The following KLHL4 variants were observed in gnomAD, a reference collection of about 807,000 sequenced individuals.
The protein encoded by KLHL4 is kelch like family member 4.
Under a neutral mutation model 45.8 loss-of-function variants are expected in KLHL4, and 17 were observed. The observed-to-expected ratio is 0.37, with a 90% CI of 0.25 to 0.56. The LOEUF is 0.56. KLHL4 is among the 20% of genes least tolerant of loss of function. The pLI is 0.79. For missense variants in KLHL4, 544 were observed against 544.9 expected (o/e 1.00, Z 0.02); for synonymous variants, 224 against 189.9 (o/e 1.18, Z -1.47).
chrX:87,619,212 G>A (rs1740451254), intron 4 of KLHL4, among the ~76,000 whole-genome samples: 1 of 111,466 alleles, frequency 9.0e-6, no homozygotes, highest in African/African-American at 3.3e-5. Context: ...ACAATAGAAA[G>A]GCACACATTG....
chrX:87,623,179 T>C (rs919344471), intron 5 of KLHL4, among the ~76,000 whole-genome samples: 4 of 111,077 alleles, frequency 3.6e-5, no homozygotes, highest in African/African-American at 1.3e-4. Flanking sequence ...ATTTAGTGGA[T>C]CAATAATTTT....
intron 1 of KLHL4, among the ~76,000 whole-genome samples, chrX:87,555,420 G>T (rs188138366): frequency 6.3e-5 from 7 of 111,215 alleles, no homozygotes; most frequent in Admixed American, 3.8e-4. Context: ...TATTCAGAGA[G>T]TCAACTTCTT....
At chrX:87,570,242 G>A (rs934907798) in intron 1 of KLHL4, among the ~76,000 whole-genome samples, 4 of 111,355 alleles carry the variant, frequency 3.6e-5, no homozygotes, top group African/African-American at 1.3e-4. Flanking sequence ...GACTTCAAAA[G>A]AGAGGTGGTA....
chrX:87,587,150 C>CAA (rs1197848253), intron 1 of KLHL4, among the ~76,000 whole-genome samples: 1,106 of 47,762 alleles, frequency 0.023, 56 homozygotes, highest in South Asian at 0.062. Flanking sequence ...TAAAATAAAG[C>CAA]AAAAAAAAAA....
At chrX:87,621,892 T>A (rs770177330) in intron 4 of KLHL4, among the ~76,000 whole-genome samples, 8 of 111,587 alleles carry the variant, frequency 7.2e-5, no homozygotes, top group Non-Finnish European at 1.5e-4. Context: ...AGTCATGAGC[T>A]GCTGTTGTCA....
rs1556045449 is a variant in KLHL4 at position 87,666,578 on chromosome X, AG to A, written c.*45del. The A allele has an allele frequency of 1.8e-6, 2 of 1,140,931 alleles. No homozygotes were observed. Among genetic ancestry groups the A allele is most frequent in the Non-Finnish European group, 2.3e-6 (2 of 857,972 alleles). The allele number at this position is 1,140,931 out of a possible 1,213,427, so 94.0% of individuals were successfully genotyped here. On this transcript the variant is annotated 3_prime_UTR_variant, in exon 11 of 11. Transcript: ENST00000373119. ...AATGGAATGAAACTAGATAATTTCA[AG>A]AAACTGAGTAGGACAAAGGGAGAAA... is the stretch of plus-strand genomic sequence containing the variant.
Position 87,669,275 on chromosome X carries a change from C to T in KLHL4, c.*2741C>T. 8.3e-7 allele frequency: 1 copy of T among 1,198,737 alleles called. No individual in the cohort carries two copies. Among genetic ancestry groups the T allele is most frequent in the Non-Finnish European group, 1.1e-6 (1 of 889,104 alleles). On this transcript the variant is annotated 3_prime_UTR_variant, in exon 11 of 11. Coordinates refer to ENST00000373119, the MANE Select transcript of KLHL4 (RefSeq NM_019117.5). Reference sequence around the variant, plus strand: ...CGATTCCCTACTCTGCAACTCTCAGCATGCATCATGATGATTCTCTAACAC... The same window carrying T: ...CGATTCCCTACTCTGCAACTCTCAGTATGCATCATGATGATTCTCTAACAC...
At chrX:87,660,960 A>G (rs1240261527) in intron 9 of KLHL4, among the ~76,000 whole-genome samples, 2 of 112,658 alleles carry the variant, frequency 1.8e-5, no homozygotes, top group Non-Finnish European at 3.7e-5. Context: ...TTTTACAGAA[A>G]TGTTAAAAGT....
intron 1 of KLHL4, among the ~76,000 whole-genome samples, chrX:87,536,666 C>T (rs183159948): frequency 0.049 from 5,354 of 109,182 alleles, 123 homozygotes; most frequent in Middle Eastern, 0.13. Flanking sequence ...AAATAATTTT[C>T]GTTTGCCATT....
chrX:87,597,929 C>T (rs1242363661), intron 1 of KLHL4, among the ~76,000 whole-genome samples: 8 of 108,842 alleles, frequency 7.4e-5, no homozygotes, highest in South Asian at 7.8e-4. Flanking sequence ...ATCTCAATGA[C>T]GAGAGCACTA....
intron 9 of KLHL4, among the ~76,000 whole-genome samples, chrX:87,659,062 G>T (rs140340687): frequency 0.041 from 4,272 of 104,841 alleles, 221 homozygotes; most frequent in African/African-American, 0.14. Context: ...CCACTGGATG[G>T]TAGCCCATAA....
At chrX:87,548,582 T>A (rs765374197) in intron 1 of KLHL4, among the ~76,000 whole-genome samples, 4 of 111,011 alleles carry the variant, frequency 3.6e-5, no homozygotes, top group African/African-American at 1.3e-4. Context: ...ACATAATCAG[T>A]ACAATAAGAT....
intron 1 of KLHL4, among the ~76,000 whole-genome samples, chrX:87,522,415 T>G (rs947703355): frequency 2.6e-4 from 29 of 112,215 alleles, no homozygotes; most frequent in Non-Finnish European, 5.1e-4. Flanking sequence ...ACTTTACATA[T>G]ATTTTCTCCT....
intron 1 of KLHL4, among the ~76,000 whole-genome samples, chrX:87,536,718 T>C (rs1314389507): frequency 9.0e-6 from 1 of 110,780 alleles, no homozygotes; most frequent in Admixed American, 9.7e-5. Flanking sequence ...TGAATATTAG[T>C]CACTTAGTGA....
At chrX:87,619,645 T>C (rs1239165012) in intron 4 of KLHL4, among the ~76,000 whole-genome samples, 1 of 112,027 alleles carries the variant, frequency 8.9e-6, no homozygotes, top group East Asian at 2.8e-4. Context: ...CTGTTTAGTA[T>C]TACACACTTG....
At chrX:87,597,657 T>A (rs897041239) in intron 1 of KLHL4, among the ~76,000 whole-genome samples, 6 of 111,699 alleles carry the variant, frequency 5.4e-5, no homozygotes, top group Non-Finnish European at 9.4e-5. Context: ...TGATTCATAT[T>A]TGTTTTTCTG....
chrX:87,640,871 A>T (rs1302901921), intron 9 of KLHL4, among the ~76,000 whole-genome samples: 1 of 112,064 alleles, frequency 8.9e-6, no homozygotes, highest in African/African-American at 3.2e-5. Context: ...AATAAAGGGC[A>T]TCCAAATTGG....
At chrX:87,624,667 A>G (rs910993336) in intron 5 of KLHL4, among the ~76,000 whole-genome samples, 1 of 111,938 alleles carries the variant, frequency 8.9e-6, no homozygotes, top group African/African-American at 3.2e-5. Context: ...AAGGGAACCA[A>G]TCTAAGATGA....
rs1924485248 is a variant in KLHL4 at position 87,669,297 on chromosome X, A to G, written c.*2763A>G. ...CAGCATGCATCATGATGATTCTCTAACACTGTCTGTCACCTTCCTGTATTT... is the reference window on the plus strand; with the variant it reads ...CAGCATGCATCATGATGATTCTCTAGCACTGTCTGTCACCTTCCTGTATTT... On this transcript the variant is annotated 3_prime_UTR_variant, in exon 11 of 11. Coordinates refer to ENST00000373119, the MANE Select transcript of KLHL4 (RefSeq NM_019117.5). 8.3e-7 allele frequency: 1 copy of G among 1,207,828 alleles called. No individual in the cohort carries two copies. The highest frequency in any genetic ancestry group is 2.2e-5 in the Admixed American group (1 of 45,664).
Sources: gnomAD v4.1 joint callset for allele counts (sites outside exome capture counted in the v4.1 genomes callset) on GRCh38, gnomAD v4.1.1 for gene constraint, MANE v1.5 for transcripts, NCBI Gene and HGNC (gene_info 2026-07-23, HGNC 2026-07-21) for gene names.